The following WWOX variants were observed in gnomAD, a reference collection of about 807,000 sequenced individuals.
The protein encoded by WWOX is WW domain-containing oxidoreductase.
Under a neutral mutation model 46.2 loss-of-function variants are expected in WWOX, and 69 were observed. The ratio of observed to expected loss-of-function variants is 1.49; its 90% CI spans 1.23 to 1.82. The LOEUF (loss-of-function observed/expected upper bound fraction) is 1.82. Among genes scored for constraint, WWOX ranks in the 40% most tolerant of loss-of-function variants. WWOX has a pLI of 0.00. For missense variants in WWOX, 919 were observed against 542.6 expected, an observed-to-expected ratio of 1.69 and a Z score of -6.89; for synonymous variants, 359 against 202.6, an observed-to-expected ratio of 1.77 and a Z score of -6.56.
intron 8 of WWOX, chr16:78,552,941 G>A (rs1370269331): frequency 1.3e-5 from 2 of 152,308 alleles, no homozygotes; most frequent in African/African-American, 4.8e-5. Context: ...AAAGCCCCAG[G>A]GTTGGGCAGG....
intron 8 of WWOX, among the ~76,000 whole-genome samples, chr16:78,931,953 G>T (rs1359836822): frequency 6.6e-6 from 1 of 152,180 alleles, no homozygotes; most frequent in Non-Finnish European, 1.5e-5. Flanking sequence ...GTTTTATAAA[G>T]GGCAGTTCCC....
chr16:78,321,494 A>G (rs2080482041), intron 5 of WWOX, among the ~76,000 whole-genome samples: 1 of 151,404 alleles, frequency 6.6e-6, no homozygotes, highest in Non-Finnish European at 1.5e-5. Context: ...AGGCTTATTG[A>G]AACTTGGAGT....
intron 8 of WWOX, among the ~76,000 whole-genome samples, chr16:78,773,905 T>C (rs1025351968): frequency 6.6e-6 from 1 of 152,198 alleles, no homozygotes. Flanking sequence ...AGATCCAGAA[T>C]TGGAATTTAA....
At chr16:78,470,678 C>T (rs918689279) in intron 8 of WWOX, among the ~76,000 whole-genome samples, 3 of 152,130 alleles carry the variant, frequency 2.0e-5, no homozygotes, top group African/African-American at 7.2e-5. Context: ...TACAGGCACG[C>T]CACCACACCT....
In WWOX at chr16:78,624,052, G is replaced by A. The variant is rs548279692; in HGVS notation, c.1056+191300G>A. On this transcript the variant is annotated intron_variant, in intron 8 of 8. Transcript: ENST00000566780. ...AGTAAGAACCCACAGCATCTTGCAC[G>A]TAGAATTCAATATATGTCCTGCTTC... Among the ~76,000 whole-genome samples, 4 of 152,270 alleles carry A rather than the reference G, an allele frequency of 2.6e-5. No individual in the cohort carries two copies. In the South Asian group the frequency reaches 6.2e-4, roughly 24 times the overall value.
chr16:79,123,428 G>A (rs1390144010), intron 8 of WWOX, among the ~76,000 whole-genome samples: 2 of 152,140 alleles, frequency 1.3e-5, no homozygotes, highest in Non-Finnish European at 2.9e-5. Flanking sequence ...GGCAGCTGGG[G>A]AGTGAATCTG....
chr16:78,877,418 G>A (rs1398510589), intron 8 of WWOX, among the ~76,000 whole-genome samples: 2 of 152,106 alleles, frequency 1.3e-5, no homozygotes, highest in South Asian at 2.1e-4. Flanking sequence ...TCTGCCTGGA[G>A]TATTCTTCCA....
At chr16:79,201,313 G>T (rs1016311328) in intron 8 of WWOX, among the ~76,000 whole-genome samples, 3 of 151,332 alleles carry the variant, frequency 2.0e-5, no homozygotes, top group African/African-American at 7.3e-5. Context: ...CCCTTCCCTA[G>T]CTGAATAGAG....
intron 8 of WWOX, among the ~76,000 whole-genome samples, chr16:78,715,558 A>C (rs1045276602): frequency 2.0e-5 from 3 of 148,834 alleles, no homozygotes; most frequent in East Asian, 4.0e-4. Context: ...ATCTTGACTC[A>C]TTGCAACCTC....
At chr16:78,694,463 C>T (rs2048056877) in intron 8 of WWOX, among the ~76,000 whole-genome samples, 1 of 152,162 alleles carries the variant, frequency 6.6e-6, no homozygotes, top group South Asian at 2.1e-4. Context: ...GCGTCAGACA[C>T]CACGTCAGTC....
At chr16:78,372,955 A>G (rs1412823144) in intron 5 of WWOX, among the ~76,000 whole-genome samples, 1 of 152,208 alleles carries the variant, frequency 6.6e-6, no homozygotes, top group Non-Finnish European at 1.5e-5. Flanking sequence ...ACTGGGCTGA[A>G]TTATTTGAAT....
At chr16:78,776,746 G>C (rs2050199498) in intron 8 of WWOX, among the ~76,000 whole-genome samples, 1 of 152,168 alleles carries the variant, frequency 6.6e-6, no homozygotes, top group African/African-American at 2.4e-5. Flanking sequence ...TGGAAAGGAA[G>C]CTAGTGCACC....
intron 8 of WWOX, among the ~76,000 whole-genome samples, chr16:78,933,191 C>A (rs1267540233): frequency 6.6e-6 from 1 of 152,208 alleles, no homozygotes; most frequent in African/African-American, 2.4e-5. Context: ...GTAATCCCAG[C>A]ACTTTGGCAG....
chr16:78,120,534 C>T (rs150348535), intron 4 of WWOX, among the ~76,000 whole-genome samples: 2,179 of 148,580 alleles, frequency 0.015, 57 homozygotes, highest in African/African-American at 0.052. Flanking sequence ...TGCGCCACTG[C>T]AGTCCGCAGT....
intron 5 of WWOX, among the ~76,000 whole-genome samples, chr16:78,221,393 T>C (rs113170153): frequency 6.6e-6 from 1 of 152,208 alleles, no homozygotes; most frequent in Non-Finnish European, 1.5e-5. Context: ...CCTCTAGCTT[T>C]CTTGTGTTAT....
chr16:78,121,815 C>G (rs1384102768), intron 4 of WWOX, among the ~76,000 whole-genome samples: 3 of 151,958 alleles, frequency 2.0e-5, no homozygotes, highest in African/African-American at 7.3e-5. Context: ...GTGCACACCA[C>G]CACTCCCTAC....
chr16:79,124,137 T>A (rs1036940250), intron 8 of WWOX, among the ~76,000 whole-genome samples: 1 of 152,172 alleles, frequency 6.6e-6, no homozygotes, highest in African/African-American at 2.4e-5. Flanking sequence ...TTTATAAACT[T>A]CGGATGGTGC....
intron 8 of WWOX, among the ~76,000 whole-genome samples, chr16:78,854,841 C>T (rs931374986): frequency 1.3e-5 from 2 of 152,002 alleles, no homozygotes; most frequent in Non-Finnish European, 2.9e-5. Context: ...CTCGGCCTCC[C>T]AAAGTGCTGG....
At chr16:78,282,328 C>T (rs1046001800) in intron 5 of WWOX, among the ~76,000 whole-genome samples, 2 of 152,178 alleles carry the variant, frequency 1.3e-5, no homozygotes, top group Admixed American at 6.6e-5. Context: ...TTGCATGTTT[C>T]TAGAGACATC....
Sources: allele counts gnomAD v4.1 joint callset (sites outside exome capture counted in the v4.1 genomes callset), GRCh38; gene constraint gnomAD v4.1.1; transcripts MANE v1.5; gene names NCBI Gene and HGNC (gene_info 2026-07-23, HGNC 2026-07-21).